The following SHISA6 variants were observed in gnomAD, a reference collection of about 807,000 sequenced individuals.
SHISA6 encodes the protein shisa family member 6.
A neutral mutation model predicts 47.9 loss-of-function variants in SHISA6; 22 were observed. That is an observed-to-expected ratio of 0.46 (90% confidence interval 0.33 to 0.66). The LOEUF is 0.66. SHISA6 is among the 30% of genes least tolerant of loss of function. The pLI is 0.02. For missense variants in SHISA6, 680 were observed against 764.6 expected (o/e 0.89, Z 1.30); for synonymous variants, 388 against 337.8 (o/e 1.15, Z -1.63).
At chr17:11,440,842 G>C (rs1915075803) in intron 3 of SHISA6, among the ~76,000 whole-genome samples, 1 of 151,868 alleles carries the variant, frequency 6.6e-6, no homozygotes. Context: ...TGCTACTGCA[G>C]ACACTCCCAG....
At chr17:11,359,561 T>C (rs1398279311) in intron 2 of SHISA6, among the ~76,000 whole-genome samples, 4 of 152,168 alleles carry the variant, frequency 2.6e-5, no homozygotes, top group Admixed American at 1.3e-4. Flanking sequence ...GAACTCTGGA[T>C]TGCGTGTGAC....
In SHISA6 at chr17:11,441,611, G is replaced by T. The variant is rs74940660; in HGVS notation, c.895+62102G>T. Among the ~76,000 whole-genome samples the T allele has an allele frequency of 6.9e-3, 1,053 of 152,302 alleles. 19 individuals are homozygous for T. Among genetic ancestry groups the T allele is most frequent in the African/African-American group, 0.021 (889 of 41,564 alleles). ...ACTCTCCATTTTGCAGTTCTACTGA[G>T]AACTACAAGATGTTGTTAGTAGTGA... On this transcript the variant is annotated intron_variant, in intron 3 of 5. Coordinates refer to ENST00000441885, the MANE Select transcript of SHISA6 (RefSeq NM_207386.4).
rs2072006616 is a variant in SHISA6 at position 11,558,510 on chromosome 17, G to C, written c.*206G>C. The C allele has an allele frequency of 2.1e-5, 13 of 608,622 alleles. No homozygotes were observed. The highest frequency in any genetic ancestry group is 3.8e-5 in the Non-Finnish European group (13 of 346,454). 37.7% of individuals were successfully genotyped at this position (608,622 alleles called of 1,614,324 possible). A position where few individuals can be genotyped will look rare whatever the true frequency, so the allele number is the denominator to read the frequency against. On this transcript the variant is annotated 3_prime_UTR_variant, in exon 6 of 6. Transcript: ENST00000441885. ...CCAATACACTTAGACCCAGGACCAA[G>C]AGCAATCGCTCTTGCTCCTCCAGAA...
chr17:11,532,359 A>G (rs2071742033), intron 3 of SHISA6, among the ~76,000 whole-genome samples: 1 of 152,208 alleles, frequency 6.6e-6, no homozygotes, highest in Non-Finnish European at 1.5e-5. Context: ...CAGAAAGAGC[A>G]TGTGTGAGCT....
intron 2 of SHISA6, among the ~76,000 whole-genome samples, chr17:11,304,849 G>C (rs1232409347): frequency 6.6e-6 from 1 of 152,112 alleles, no homozygotes; most frequent in African/African-American, 2.4e-5. Flanking sequence ...CACTGCGCTT[G>C]GCCACTTGTA....
At chr17:11,486,933 G>A (rs1441763488) in intron 3 of SHISA6, among the ~76,000 whole-genome samples, 1 of 152,220 alleles carries the variant, frequency 6.6e-6, no homozygotes, top group Non-Finnish European at 1.5e-5. Flanking sequence ...AGCGAGGCCT[G>A]GGGGCCAAAT....
At chr17:11,458,669 T>C (rs1456673240) in intron 3 of SHISA6, among the ~76,000 whole-genome samples, 1 of 152,104 alleles carries the variant, frequency 6.6e-6, no homozygotes, top group African/African-American at 2.4e-5. Flanking sequence ...CACTTTTCTA[T>C]CTTCTGGGAG....
chr17:11,246,128 A>G (rs985147551), intron 1 of SHISA6, among the ~76,000 whole-genome samples: 3 of 152,224 alleles, frequency 2.0e-5, no homozygotes, highest in African/African-American at 4.8e-5. Flanking sequence ...AAGGAAAGAA[A>G]CAAAAAAGCA....
At chr17:11,302,433 G>C (rs1440602092) in intron 2 of SHISA6, among the ~76,000 whole-genome samples, 2 of 152,168 alleles carry the variant, frequency 1.3e-5, no homozygotes, top group Non-Finnish European at 2.9e-5. Context: ...CAGAATCCAG[G>C]TCCCAGGACA....
chr17:11,263,520 A>G lies in SHISA6; in HGVS notation c.793A>G (p.Thr265Ala). 6.4e-7 allele frequency: 1 copy of G among 1,551,454 alleles called. No individual in the cohort carries two copies. The highest frequency in any genetic ancestry group is 8.7e-7 in the Non-Finnish European group (1 of 1,146,930). Reference protein sequence around the residue: ...HYTPVRTAKQTPGHYGKDAYR... With the variant: ...HYTPVRTAKQAPGHYGKDAYR... ...CACTCCTGTGCGTACGGCCAAGCAG[A>G]CTCCAGGTAAGTAACAGCTGGGCAC... The change falls in exon 2 of 6, where the codon ACT (threonine) becomes GCT (alanine). Residue 265 changes from threonine to alanine, a missense_variant. Coordinates refer to ENST00000441885, the MANE Select transcript of SHISA6 (RefSeq NM_207386.4).
intron 2 of SHISA6, among the ~76,000 whole-genome samples, chr17:11,280,062 C>T (rs1199348418): frequency 1.3e-5 from 2 of 152,104 alleles, no homozygotes; most frequent in Non-Finnish European, 2.9e-5. Context: ...TAAGAAGGAG[C>T]GAAATGTTTT....
intron 3 of SHISA6, among the ~76,000 whole-genome samples, chr17:11,488,347 C>G (rs1185768365): frequency 6.6e-6 from 1 of 152,062 alleles, no homozygotes; most frequent in African/African-American, 2.4e-5. Context: ...TGAGCAAAAG[C>G]TGAAACCCAA....
At chr17:11,373,184 A>G (rs964137252) in intron 2 of SHISA6, among the ~76,000 whole-genome samples, 2 of 151,564 alleles carry the variant, frequency 1.3e-5, no homozygotes, top group Non-Finnish European at 2.9e-5. Flanking sequence ...GGATTTTTTC[A>G]TCAGGTCTAT....
intron 3 of SHISA6, among the ~76,000 whole-genome samples, chr17:11,474,043 A>G (rs1443980058): frequency 6.6e-6 from 1 of 152,126 alleles, no homozygotes; most frequent in African/African-American, 2.4e-5. Context: ...TTTGTTGAGA[A>G]TGATGGCTTC....
chr17:11,518,045 C>A (rs902640058), intron 3 of SHISA6, among the ~76,000 whole-genome samples: 1 of 152,018 alleles, frequency 6.6e-6, no homozygotes, highest in African/African-American at 2.4e-5. Flanking sequence ...AACTATGGTT[C>A]TTTGTGTCTT....
At chr17:11,328,297 CA>C (rs1290533476) in intron 2 of SHISA6, among the ~76,000 whole-genome samples, 1 of 152,174 alleles carries the variant, frequency 6.6e-6, no homozygotes, top group Non-Finnish European at 1.5e-5. Context: ...CACCAGTAAA[CA>C]GGGGCAATAA....
intron 2 of SHISA6, among the ~76,000 whole-genome samples, chr17:11,267,453 A>G (rs1228540927): frequency 6.6e-6 from 1 of 152,194 alleles, no homozygotes; most frequent in Admixed American, 6.5e-5. Flanking sequence ...CTTGTCACAC[A>G]TTGGAGTTGT....
At chr17:11,418,684 A>G (rs1385980625) in intron 3 of SHISA6, among the ~76,000 whole-genome samples, 1 of 152,232 alleles carries the variant, frequency 6.6e-6, no homozygotes, top group Non-Finnish European at 1.5e-5. Flanking sequence ...TGGCGTAAGC[A>G]TATTCCTGGA....
At chr17:11,534,911 C>T (rs962519939) in intron 3 of SHISA6, among the ~76,000 whole-genome samples, 4 of 152,000 alleles carry the variant, frequency 2.6e-5, no homozygotes, top group African/African-American at 7.3e-5. Flanking sequence ...GGGTGGATCA[C>T]GAGGTCAAGA....
Sources: gnomAD v4.1 joint callset for allele counts (sites outside exome capture counted in the v4.1 genomes callset) on GRCh38, gnomAD v4.1.1 for gene constraint, MANE v1.5 for transcripts, NCBI Gene and HGNC (gene_info 2026-07-23, HGNC 2026-07-21) for gene names.